The following CEP85L variants were observed in gnomAD, a reference collection of about 807,000 sequenced individuals.
CEP85L encodes centrosomal protein 85L.
In CEP85L, 60 loss-of-function variants were observed where a neutral mutation model predicts 100.3. The observed-to-expected ratio is 0.60, with a 90% CI of 0.49 to 0.74. The LOEUF is 0.74. Among genes scored for constraint, CEP85L ranks in the 30% least tolerant of loss-of-function variants. The pLI is 0.00. For missense variants in CEP85L, 973 were observed against 936.2 expected, an observed-to-expected ratio of 1.04 and a Z score of -0.51; for synonymous variants, 319 against 322.7, an observed-to-expected ratio of 0.99 and a Z score of 0.12.
chr6:118,561,793 G>GT (rs913441910), intron 3 of CEP85L, among the ~76,000 whole-genome samples: 1 of 151,874 alleles, frequency 6.6e-6, no homozygotes, highest in Non-Finnish European at 1.5e-5. Context: ...TTTTATAGGG[G>GT]TTTTTTTGGT....
intron 3 of CEP85L, among the ~76,000 whole-genome samples, chr6:118,550,563 A>T (rs911451558): frequency 1.3e-5 from 2 of 151,872 alleles, no homozygotes; most frequent in East Asian, 3.9e-4. Flanking sequence ...TTGATACTGC[A>T]TCCCTATTCT....
At chr6:118,541,165 C>G (rs2114877655) in intron 3 of CEP85L, among the ~76,000 whole-genome samples, 1 of 152,310 alleles carries the variant, frequency 6.6e-6, no homozygotes, top group East Asian at 1.9e-4. Context: ...ACGGGGCAGC[C>G]TTACAAATGA....
chr6:118,488,445 TAAAC>T (rs1028387462), intron 6 of CEP85L, among the ~76,000 whole-genome samples: 28 of 150,092 alleles, frequency 1.9e-4, no homozygotes, highest in Admixed American at 1.3e-3. Context: ...GAAGAAGAAA[TAAAC>T]AAACTCAAAC....
At chr6:118,574,693 C>T (rs574247534) in intron 2 of CEP85L, among the ~76,000 whole-genome samples, 2 of 152,236 alleles carry the variant, frequency 1.3e-5, no homozygotes, top group African/African-American at 2.4e-5. Context: ...GATACCACGG[C>T]GACAAGGTAA....
intron 8 of CEP85L, 88 bp from the exon 9 acceptor site, chr6:118,480,601 A>T: frequency 1.2e-6 from 1 of 807,128 alleles, no homozygotes; most frequent in Non-Finnish European, 2.0e-6. Flanking sequence ...TTGCTTTATT[A>T]AAAAATATTA....
intron 5 of CEP85L, among the ~76,000 whole-genome samples, chr6:118,492,322 T>G (rs1461126898): frequency 6.6e-6 from 1 of 152,108 alleles, no homozygotes; most frequent in Non-Finnish European, 1.5e-5. Context: ...AAATTCAATA[T>G]GTATTAATAG....
intron 10 of CEP85L, among the ~76,000 whole-genome samples, chr6:118,474,239 ACT>A (rs1303778391): frequency 2.6e-5 from 4 of 152,184 alleles, no homozygotes; most frequent in African/African-American, 9.7e-5. Context: ...TTGAAATAAA[ACT>A]CTGCTTCACG....
intron 3 of CEP85L, among the ~76,000 whole-genome samples, chr6:118,524,541 G>T (rs1423762599): frequency 1.3e-5 from 2 of 152,224 alleles, no homozygotes; most frequent in African/African-American, 2.4e-5. Context: ...TAATCATTAA[G>T]GGAGTAATAC....
intron 5 of CEP85L, chr6:118,502,508 G>A: frequency 2.0e-6 from 1 of 506,216 alleles, no homozygotes; most frequent in South Asian, 1.7e-5. Flanking sequence ...CACAAGTAGA[G>A]CCAGCAGGAC....
intron 2 of CEP85L, among the ~76,000 whole-genome samples, chr6:118,583,512 G>T (rs1438519008): frequency 1.3e-5 from 2 of 152,146 alleles, no homozygotes; most frequent in Middle Eastern, 3.2e-3. Context: ...TTGCATGGGG[G>T]CCTGCAGCAT....
At position 118,557,845 on chromosome 6, in the gene CEP85L, T is replaced by A. The variant is rs573699405; in HGVS notation, c.1020+7684A>T. Among the ~76,000 whole-genome samples, 7 of 152,366 alleles carry A rather than the reference T, an allele frequency of 4.6e-5. No individual in the cohort carries two copies. The South Asian group carries it at 1.4e-3, about 32-fold the overall frequency. ...GTATTTGAATTGTTTTTGATCTGCA[T>A]GGAGCTGGATGTGCTCCTGACAATT... On this transcript the variant is annotated intron_variant, in intron 3 of 12. Coordinates refer to ENST00000368491, the MANE Select transcript of CEP85L (RefSeq NM_001042475.3).
chr6:118,653,953 A>G (rs1460993508), upstream of CEP85L, among the ~76,000 whole-genome samples: 1 of 152,244 alleles, frequency 6.6e-6, no homozygotes, highest in Non-Finnish European at 1.5e-5. Context: ...ATTATTTAAA[A>G]CTGAAAAATA....
chr6:118,523,060 G>A (rs550891951), intron 4 of CEP85L, among the ~76,000 whole-genome samples: 17 of 152,176 alleles, frequency 1.1e-4, no homozygotes, highest in South Asian at 1.0e-3. Context: ...CACCTACTGC[G>A]TTATCCTATG....
chr6:118,507,144 G>A (rs1017715377), intron 5 of CEP85L, among the ~76,000 whole-genome samples: 5 of 152,086 alleles, frequency 3.3e-5, no homozygotes, highest in Non-Finnish European at 7.4e-5. Flanking sequence ...TTTACAATGT[G>A]TAAGTTTAAC....
Position 118,600,337 on chromosome 6 carries a change from G to C in CEP85L, c.232+32116C>G, listed in dbSNP as rs1781703773. 2.3e-5 allele frequency among the ~76,000 whole-genome samples: 3 copies of C among 131,344 alleles called. 1 individual carries two copies. Among genetic ancestry groups the C allele is most frequent in the African/African-American group, 8.5e-5 (3 of 35,470 alleles). 86.2% of individuals were successfully genotyped at this position (131,344 alleles called of 152,430 possible). A position where few individuals can be genotyped will look rare whatever the true frequency, so the allele number is the denominator to read the frequency against. ...TGTGTGTGTGTGTGTGTGTGTGTGTGTGTGTGTGTGTGTGTGTGTGTGTGT... is the reference window on the plus strand; with the variant it reads ...TGTGTGTGTGTGTGTGTGTGTGTGTCTGTGTGTGTGTGTGTGTGTGTGTGT... On this transcript the variant is annotated intron_variant, in intron 2 of 12. Transcript: ENST00000368491.
chr6:118,566,845 T>C (rs974114990), intron 2 of CEP85L, among the ~76,000 whole-genome samples: 6 of 152,324 alleles, frequency 3.9e-5, no homozygotes, highest in African/African-American at 1.4e-4. Flanking sequence ...GTATATGGCC[T>C]TTCACCATCT....
At chr6:118,636,291 G>A (rs562696897) in intron 1 of CEP85L, among the ~76,000 whole-genome samples, 2 of 152,322 alleles carry the variant, frequency 1.3e-5, no homozygotes, top group Non-Finnish European at 2.9e-5. Context: ...TGGAAGAAAA[G>A]TGAGCTCATC....
intron 2 of CEP85L, among the ~76,000 whole-genome samples, chr6:118,574,707 T>C (rs991454337): frequency 2.0e-5 from 3 of 152,188 alleles, no homozygotes; most frequent in African/African-American, 7.2e-5. Flanking sequence ...AAGGTAACTC[T>C]GTGCACAGAC....
intron 5 of CEP85L, chr6:118,501,976 G>A (rs901275760): frequency 1.3e-5 from 11 of 849,892 alleles, no homozygotes; most frequent in Non-Finnish European, 2.1e-5. Flanking sequence ...GGAATCTGGA[G>A]GAAAACTGAC....
Sources: gnomAD v4.1 joint callset for allele counts (sites outside exome capture counted in the v4.1 genomes callset) on GRCh38, gnomAD v4.1.1 for gene constraint, MANE v1.5 for transcripts, NCBI Gene and HGNC (gene_info 2026-07-23, HGNC 2026-07-21) for gene names.